Variants in KCNH7 observed in about 807,000 individuals in gnomAD.
KCNH7 encodes the protein voltage-gated inwardly rectifying potassium channel KCNH7.
A neutral mutation model predicts 120.8 loss-of-function variants in KCNH7; 49 were observed. That is an observed-to-expected ratio of 0.41 (90% CI 0.32 to 0.51). KCNH7 has a LOEUF of 0.51. KCNH7 is among the 20% of genes least tolerant of loss of function. The pLI is 0.38. For missense variants in KCNH7, 1,097 were observed against 1,446.6 expected, an observed-to-expected ratio of 0.76 and a Z score of 3.92; for synonymous variants, 547 against 516.1, an observed-to-expected ratio of 1.06 and a Z score of -0.81.
At chr2:162,548,891 TATC>T (rs937964989) in intron 2 of KCNH7, among the ~76,000 whole-genome samples, 1 of 152,204 alleles carries the variant, frequency 6.6e-6, no homozygotes, top group African/African-American at 2.4e-5. Flanking sequence ...GAGTTATCAT[TATC>T]ATAAAGAAAA....
At chr2:162,684,143 C>A (rs1185443952) in intron 2 of KCNH7, among the ~76,000 whole-genome samples, 15 of 152,088 alleles carry the variant, frequency 9.9e-5, no homozygotes, top group Admixed American at 9.8e-4. Context: ...ACTGGCTAGC[C>A]ATATGCAGAA....
intron 7 of KCNH7, among the ~76,000 whole-genome samples, chr2:162,441,887 GTTATTGCCAGTAT>G (rs1688425293): frequency 6.8e-6 from 1 of 147,708 alleles, no homozygotes; most frequent in South Asian, 2.2e-4. Context: ...GGCAAGCCCA[GTTATTGCCAGTAT>G]TTATTTTCTT....
intron 15 of KCNH7, among the ~76,000 whole-genome samples, chr2:162,372,442 G>T (rs1558911954): frequency 6.6e-6 from 1 of 151,884 alleles, no homozygotes; most frequent in Non-Finnish European, 1.5e-5. Context: ...TGAATAAGAG[G>T]GTATAAGGAG....
Position 162,513,151 on chromosome 2 carries a change from TCCTC to T in KCNH7, c.893-481_893-478del, listed in dbSNP as rs1427732702. On this transcript the variant is annotated intron_variant, in intron 4 of 15. Transcript: ENST00000332142. ...GTTTCTAAGATAACAGTTCCTTCCT[TCCTC>T]CCTCCCTCCCTCCCTTCTTTCCCTC... Among the ~76,000 whole-genome samples, 33 of 123,830 alleles carry T rather than the reference TCCTC, an allele frequency of 2.7e-4. 1 individual carries two copies. The highest frequency in any genetic ancestry group is 1.4e-3 in the East Asian group (5 of 3,498). 81.2% of individuals were successfully genotyped at this position (123,830 alleles called of 152,430 possible). A position where few individuals can be genotyped will look rare whatever the true frequency, so the allele number is the denominator to read the frequency against.
chr2:162,687,692 A>AT (rs1685945834), intron 2 of KCNH7, among the ~76,000 whole-genome samples: 1 of 152,114 alleles, frequency 6.6e-6, no homozygotes, highest in Non-Finnish European at 1.5e-5. Flanking sequence ...ATTTATTAGC[A>AT]CACCACTGGT....
At chr2:162,711,959 G>T (rs1053327294) in intron 2 of KCNH7, among the ~76,000 whole-genome samples, 2 of 152,234 alleles carry the variant, frequency 1.3e-5, no homozygotes, top group Admixed American at 1.3e-4. Context: ...CAGTTTCTTG[G>T]TCTTCTCTTC....
intron 2 of KCNH7, among the ~76,000 whole-genome samples, chr2:162,704,195 C>G (rs754797454): frequency 6.6e-6 from 1 of 151,950 alleles, no homozygotes; most frequent in African/African-American, 2.4e-5. Flanking sequence ...TATATTTGAC[C>G]TTGAGTAAAT....
intron 2 of KCNH7, among the ~76,000 whole-genome samples, chr2:162,605,586 T>C (rs1459111631): frequency 6.6e-6 from 1 of 152,138 alleles, no homozygotes; most frequent in Admixed American, 6.6e-5. Context: ...TTCAAATTGC[T>C]AGGAAAAAGT....
At chr2:162,807,256 C>CAAAAAA (rs745345993) in intron 2 of KCNH7, among the ~76,000 whole-genome samples, 21 of 15,622 alleles carry the variant, frequency 1.3e-3, no homozygotes, top group Non-Finnish European at 2.2e-3. Context: ...ACTAAAAATA[C>CAAAAAA]AAAAAAAAAA....
At chr2:162,807,363 G>A (rs1212863906) in intron 2 of KCNH7, among the ~76,000 whole-genome samples, 3 of 151,408 alleles carry the variant, frequency 2.0e-5, no homozygotes, top group African/African-American at 7.3e-5. Flanking sequence ...CTTGAACTCA[G>A]GAGGCGGAGG....
intron 2 of KCNH7, among the ~76,000 whole-genome samples, chr2:162,564,775 G>A (rs1020148340): frequency 1.3e-5 from 2 of 152,070 alleles, no homozygotes; most frequent in African/African-American, 4.8e-5. Flanking sequence ...GTTCATTAAA[G>A]GCTAGATCCG....
At position 162,784,211 on chromosome 2, in the gene KCNH7, G is replaced by A. The variant is rs568838982; in HGVS notation, c.307+52326C>T. On this transcript the variant is annotated intron_variant, in intron 2 of 15. Coordinates refer to ENST00000332142, the MANE Select transcript of KCNH7 (RefSeq NM_033272.4). ...ACTTAATACTATTGTTTCAAAATCA[G>A]CAATGATTTATTGAGCTGATGTATG... is the stretch of plus-strand genomic sequence containing the variant. Among the ~76,000 whole-genome samples, 361 of 152,166 alleles carry A rather than the reference G, an allele frequency of 2.4e-3. 1 individual carries two copies. The highest frequency in any genetic ancestry group is 6.8e-3 in the Middle Eastern group (2 of 294).
chr2:162,665,112 C>A (rs556650678), intron 2 of KCNH7, among the ~76,000 whole-genome samples: 2 of 152,000 alleles, frequency 1.3e-5, no homozygotes, highest in South Asian at 2.1e-4. Flanking sequence ...AAAAAAAATT[C>A]TTTGGATTTT....
chr2:162,605,394 T>G (rs746219113), intron 2 of KCNH7, among the ~76,000 whole-genome samples: 26 of 152,238 alleles, frequency 1.7e-4, no homozygotes, highest in Non-Finnish European at 3.2e-4. Context: ...GCTTTTCAAT[T>G]TAGCTTCCTC....
chr2:162,478,551 A>G (rs1373077279), intron 6 of KCNH7, among the ~76,000 whole-genome samples: 1 of 152,086 alleles, frequency 6.6e-6, no homozygotes, highest in Non-Finnish European at 1.5e-5. Flanking sequence ...TAGGCTAGAT[A>G]TTTCCCTCAT....
intron 2 of KCNH7, among the ~76,000 whole-genome samples, chr2:162,650,980 T>C (rs1369448168): frequency 3.3e-5 from 5 of 152,142 alleles, no homozygotes; most frequent in East Asian, 1.9e-4. Context: ...AGATAGCATA[T>C]TGAAAAACAT....
chr2:162,716,507 T>A (rs1306639346), intron 2 of KCNH7, among the ~76,000 whole-genome samples: 5 of 152,208 alleles, frequency 3.3e-5, no homozygotes, highest in Non-Finnish European at 7.4e-5. Flanking sequence ...CATCTCTGTT[T>A]CCTAGATTGC....
intron 9 of KCNH7, among the ~76,000 whole-genome samples, chr2:162,402,116 A>G (rs1687078775): frequency 2.6e-5 from 4 of 151,386 alleles, no homozygotes; most frequent in Non-Finnish European, 4.4e-5. Context: ...CTTGGTCTAC[A>G]TGACTGGACT....
intron 12 of KCNH7, among the ~76,000 whole-genome samples, chr2:162,393,210 G>C (rs1188707788): frequency 1.3e-5 from 2 of 151,980 alleles, no homozygotes; most frequent in African/African-American, 4.8e-5. Context: ...GGGAATTGAA[G>C]AGGAGACAGG....
Sources: gnomAD v4.1 joint callset for allele counts (sites outside exome capture counted in the v4.1 genomes callset) on GRCh38, gnomAD v4.1.1 for gene constraint, MANE v1.5 for transcripts, NCBI Gene and HGNC (gene_info 2026-07-23, HGNC 2026-07-21) for gene names.